The following CWF19L2 variants were observed in gnomAD, a reference collection of about 807,000 sequenced individuals.
CWF19L2 encodes CWF19-like protein 2.
In CWF19L2, 98 loss-of-function variants were observed where a neutral mutation model predicts 111.7. The observed-to-expected ratio is 0.88, with a 90% CI of 0.75 to 1.04. The LOEUF is 1.04. Ranked by LOEUF, CWF19L2 falls within the 50% of genes least tolerant of loss-of-function variation. CWF19L2 has a pLI of 0.00. For synonymous variants in CWF19L2, 351 were observed against 342.9 expected (o/e 1.02, Z -0.26); for missense variants, 1,101 against 1,051.4 (o/e 1.05, Z -0.65).
At chr11:107,450,356 A>AC (rs1207511619) in intron 3 of CWF19L2, among the ~76,000 whole-genome samples, 1 of 152,124 alleles carries the variant, frequency 6.6e-6, no homozygotes, top group Non-Finnish European at 1.5e-5. Flanking sequence ...AACCAAAAAA[A>AC]CCTAATAAAA....
chr11:107,447,073 T>C (rs1042603933), intron 3 of CWF19L2, among the ~76,000 whole-genome samples: 2 of 152,188 alleles, frequency 1.3e-5, no homozygotes, highest in Admixed American at 6.5e-5. Flanking sequence ...TCAAGGGATC[T>C]TGAGGACTTC....
At chr11:107,403,993 A>G (rs1388089694) in intron 10 of CWF19L2, 2 of 819,152 alleles carry the variant, frequency 2.4e-6, no homozygotes, top group South Asian at 1.3e-5. Flanking sequence ...CTGGCACCAC[A>G]CTCTCACTAA....
At position 107,342,207 on chromosome 11, in the gene CWF19L2, G is replaced by A. The variant is rs1860015044; in HGVS notation, c.2203-5494C>T. Among the ~76,000 whole-genome samples, 7 of 151,772 alleles carry A rather than the reference G, an allele frequency of 4.6e-5. No homozygotes were observed. In the South Asian group the frequency reaches 1.5e-3, roughly 31 times the overall value. On this transcript the variant is annotated intron_variant, in intron 14 of 17. Transcript: ENST00000282251. ...TTTCTCTCTCGGCACTCCCTTAGCT[G>A]TCCCTCATAAATCTTAACATGTTGT...
rs199671858 is a variant in CWF19L2, at chr11:107,349,032, C to A, written c.2107G>T (p.Val703Leu). 6.2e-7 allele frequency: 1 copy of A among 1,602,092 alleles called. No homozygotes were observed. Among genetic ancestry groups the A allele is most frequent in the South Asian group, 1.1e-5 (1 of 90,024 alleles). The change falls in exon 14 of 18, where the codon GTA becomes TTA. Residue 703 changes from valine to leucine, a missense_variant. Coordinates refer to ENST00000282251, the MANE Select transcript of CWF19L2 (RefSeq NM_152434.3). ...CAGTGCCCCTCAGTAAGAGACCGTACGTTGGGTAAACATAAATAAACCTAT... is the reference window on the plus strand; with the variant it reads ...CAGTGCCCCTCAGTAAGAGACCGTAAGTTGGGTAAACATAAATAAACCTAT... The part of the protein sequence containing the change: ...GVKVYLCLPN[V>L]RSLTEGHCLI...
chr11:107,393,329 A>G (rs958782955), intron 10 of CWF19L2, among the ~76,000 whole-genome samples: 7 of 152,178 alleles, frequency 4.6e-5, no homozygotes, highest in African/African-American at 4.8e-5. Flanking sequence ...CGTAACTTCT[A>G]TTCTTTCTAT....
At position 107,455,707 on chromosome 11, in the gene CWF19L2, T is replaced by A; in HGVS notation, c.175A>T (p.Met59Leu). 1.3e-6 allele frequency: 2 copies of A among 1,551,238 alleles called. No homozygotes were observed. The highest frequency in any genetic ancestry group is 1.2e-5 in the South Asian group (1 of 84,030). The change falls in exon 2 of 18, where the codon ATG becomes TTG. Residue 59 changes from methionine to leucine, a missense_variant. Physicochemically the swap from Met to Leu is conservative, Grantham distance 15 (BLOSUM62 2). Coordinates refer to ENST00000282251, the MANE Select transcript of CWF19L2 (RefSeq NM_152434.3). ...LKRLRGEDTW[M>L]LPDVNERIEQ... is the part of the protein sequence containing the mutation. ...ATTCTCTCATTCACATCAGGTAGCA[T>A]CCATGTATCCTCACCCCGAAGTCGC...
chr11:107,416,314 C>A lies in CWF19L2; in HGVS notation c.1528-16G>T. 8.3e-7 allele frequency: 1 copy of A among 1,197,770 alleles called. No individual in the cohort carries two copies. The allele number at this position is 1,197,770 out of a possible 1,614,324, so 74.2% of individuals were successfully genotyped here. A position where few individuals can be genotyped will look rare whatever the true frequency, so the allele number is the denominator to read the frequency against. ...CAGCTAATTCCTTCAAAAAGAAAAA[C>A]AAGTAAAATATGTGCGATATGTAGT... On this transcript the variant is annotated splice_polypyrimidine_tract_variant and intron_variant, in intron 9 of 17. Transcript: ENST00000282251.
chr11:107,401,427 A>ACAAG (rs1258536099), intron 10 of CWF19L2, among the ~76,000 whole-genome samples: 5 of 152,176 alleles, frequency 3.3e-5, no homozygotes, highest in African/African-American at 1.2e-4. Context: ...CCAACAGCGA[A>ACAAG]CAAGCAGAGA....
At chr11:107,339,823 A>G (rs1859980738) in intron 14 of CWF19L2, among the ~76,000 whole-genome samples, 1 of 151,904 alleles carries the variant, frequency 6.6e-6, no homozygotes, top group Non-Finnish European at 1.5e-5. Context: ...GTGCACTACC[A>G]TGCCTGGCTA....
rs1483819919 is a variant in CWF19L2, at chr11:107,429,318, G to A, written c.914C>T (p.Ser305Leu). 2 of 1,610,764 alleles carry A rather than the reference G, an allele frequency of 1.2e-6. No individual in the cohort carries two copies. The highest frequency in any genetic ancestry group is 2.7e-5 in the African/African-American group (2 of 74,868). ...ACTGTTACCATATTTTACTAAGTCT[G>A]ATTCTCTACTTTCTTGACAATTTTG... Reference protein sequence around the residue: ...KAQNCQESRESDLVKYGNSSR... With the variant: ...KAQNCQESRELDLVKYGNSSR... The change falls in exon 8 of 18, where the codon TCA becomes TTA. Residue 305 changes from serine to leucine, a missense_variant. Transcript: ENST00000282251.
In CWF19L2 at chr11:107,381,338, C is replaced by T. The variant is rs534660646; in HGVS notation, c.1872+8736G>A. 5.9e-5 allele frequency among the ~76,000 whole-genome samples: 9 copies of T among 152,286 alleles called. No homozygotes were observed. In the South Asian group the frequency reaches 1.7e-3, roughly 28 times the overall value. On this transcript the variant is annotated intron_variant, in intron 12 of 17. Coordinates refer to ENST00000282251, the MANE Select transcript of CWF19L2 (RefSeq NM_152434.3). ...TCCCACCTTCCTCCCACTCCCATCA[C>T]CTATAGGTGAGGTTCAGAAAAACAA... is the stretch of plus-strand genomic sequence containing the variant.
intron 5 of CWF19L2, among the ~76,000 whole-genome samples, chr11:107,440,031 G>A (rs1013369542): frequency 6.6e-6 from 1 of 152,164 alleles, no homozygotes; most frequent in African/African-American, 2.4e-5. Flanking sequence ...TTCTAAGCAC[G>A]ATGCCAGGCA....
chr11:107,383,369 G>A (rs1040654939), intron 12 of CWF19L2, among the ~76,000 whole-genome samples: 1 of 152,044 alleles, frequency 6.6e-6, no homozygotes, highest in Admixed American at 6.6e-5. Context: ...TGCTCGGTGC[G>A]TGGAGAAAAA....
chr11:107,395,635 A>G (rs569467849), intron 10 of CWF19L2, among the ~76,000 whole-genome samples: 3 of 152,284 alleles, frequency 2.0e-5, no homozygotes, highest in African/African-American at 7.2e-5. Context: ...AAAGCCTTCA[A>G]ATTCTGGCCC....
At chr11:107,329,561 G>T (rs1312838053) in intron 17 of CWF19L2, among the ~76,000 whole-genome samples, 1 of 152,058 alleles carries the variant, frequency 6.6e-6, no homozygotes, top group African/African-American at 2.4e-5. Flanking sequence ...CACACAATAG[G>T]ATTATTGTGA....
intron 10 of CWF19L2, among the ~76,000 whole-genome samples, chr11:107,405,090 C>G (rs117850828): frequency 0.013 from 1,958 of 152,282 alleles, 24 homozygotes; most frequent in South Asian, 0.037. Context: ...TGAGGATGGT[C>G]TTTATATTGT....
chr11:107,345,688 G>C (rs1362570918), intron 14 of CWF19L2, among the ~76,000 whole-genome samples: 1 of 151,836 alleles, frequency 6.6e-6, no homozygotes, highest in Non-Finnish European at 1.5e-5. Flanking sequence ...CACATATATA[G>C]AATATTTTAA....
intron 10 of CWF19L2, among the ~76,000 whole-genome samples, chr11:107,394,640 T>C (rs953978730): frequency 7.2e-5 from 11 of 152,126 alleles, no homozygotes; most frequent in African/African-American, 2.7e-4. Context: ...ATCTTAGGAG[T>C]TAAAAGAAAT....
Position 107,372,800 on chromosome 11 carries a change from T to C in CWF19L2, c.1872+17274A>G, listed in dbSNP as rs146278561. ...TGGCCAAATAGGAACTGCTCCGGTC[T>C]ACAGCTCCCAGCGTGAGCGACGCAG... On this transcript the variant is annotated intron_variant, in intron 12 of 17. Coordinates refer to ENST00000282251, the MANE Select transcript of CWF19L2 (RefSeq NM_152434.3). Among the ~76,000 whole-genome samples, 898 of 132,030 alleles carry C rather than the reference T, an allele frequency of 6.8e-3. 176 individuals are homozygous for C. Among genetic ancestry groups the C allele is most frequent in the African/African-American group, 0.027 (847 of 31,738 alleles). The allele number at this position is 132,030 out of a possible 152,430, so 86.6% of individuals were successfully genotyped here.
Sources: gnomAD v4.1 joint callset for allele counts (sites outside exome capture counted in the v4.1 genomes callset) on GRCh38, gnomAD v4.1.1 for gene constraint, MANE v1.5 for transcripts, NCBI Gene and HGNC (gene_info 2026-07-23, HGNC 2026-07-21) for gene names.